The following NEGR1 variants were observed in gnomAD, a reference collection of about 807,000 sequenced individuals.
NEGR1 encodes the protein neuronal growth regulator 1.
A neutral mutation model predicts 40.9 loss-of-function variants in NEGR1; 10 were observed. The ratio of observed to expected loss-of-function variants is 0.24; its 90% confidence interval spans 0.15 to 0.42. NEGR1 has a LOEUF of 0.42. NEGR1 is among the 10% of genes least tolerant of loss of function. NEGR1 has a pLI of 1.00. For missense variants in NEGR1, 352 were observed against 438.9 expected, an observed-to-expected ratio of 0.80 and a Z score of 1.77; for synonymous variants, 185 against 166.8, an observed-to-expected ratio of 1.11 and a Z score of -0.84.
At chr1:71,975,898 G>C (rs980138897) in intron 1 of NEGR1, among the ~76,000 whole-genome samples, 2 of 152,210 alleles carry the variant, frequency 1.3e-5, no homozygotes, top group African/African-American at 4.8e-5. Flanking sequence ...GGAAGAGACT[G>C]TCATTGAATT....
chr1:71,634,126 G>A (rs1651063416), intron 4 of NEGR1, among the ~76,000 whole-genome samples: 2 of 152,012 alleles, frequency 1.3e-5, no homozygotes, highest in Admixed American at 1.3e-4. Flanking sequence ...TGCAGCTTTA[G>A]GTCTTAGGTT....
At chr1:72,214,976 T>A (rs1653747076) in intron 1 of NEGR1, among the ~76,000 whole-genome samples, 1 of 151,878 alleles carries the variant, frequency 6.6e-6, no homozygotes, top group South Asian at 2.1e-4. Flanking sequence ...ACTACAATGT[T>A]ACAGTAACCA....
chr1:72,189,530 CGTCCTTGATAAGGAACTCTT>C (rs1385721487), intron 1 of NEGR1, among the ~76,000 whole-genome samples: 1 of 151,490 alleles, frequency 6.6e-6, no homozygotes, highest in Non-Finnish European at 1.5e-5. Context: ...ATATGTCTTT[CGTCCTTGATAAGGAACTCTT>C]AAATGCTTGG....
chr1:71,869,694 A>C (rs1557683061), intron 2 of NEGR1, among the ~76,000 whole-genome samples: 1 of 152,160 alleles, frequency 6.6e-6, no homozygotes, highest in Admixed American at 6.5e-5. Flanking sequence ...TAACAATCAT[A>C]TGGAGTATAT....
intron 6 of NEGR1, among the ~76,000 whole-genome samples, chr1:71,445,476 G>A (rs1481912712): frequency 2.0e-5 from 3 of 151,858 alleles, no homozygotes; most frequent in Admixed American, 6.6e-5. Context: ...TAAGGCGTTA[G>A]AGAAATAGGC....
At chr1:71,459,161 A>G (rs1313583073) in intron 6 of NEGR1, among the ~76,000 whole-genome samples, 1 of 152,214 alleles carries the variant, frequency 6.6e-6, no homozygotes, top group East Asian at 1.9e-4. Flanking sequence ...ATTTTGGAAA[A>G]TACTATTCCA....
chr1:72,238,141 C>T (rs1348956065), intron 1 of NEGR1, among the ~76,000 whole-genome samples: 1 of 151,790 alleles, frequency 6.6e-6, no homozygotes, highest in East Asian at 1.9e-4. Context: ...CTTTACTATA[C>T]AACCCATCCA....
At chr1:71,648,334 A>G (rs1052658918) in intron 4 of NEGR1, among the ~76,000 whole-genome samples, 2 of 152,080 alleles carry the variant, frequency 1.3e-5, no homozygotes, top group Non-Finnish European at 2.9e-5. Flanking sequence ...GGAAACAAAC[A>G]ACTTGAGTGT....
chr1:72,112,594 T>C, intron 1 of NEGR1, among the ~76,000 whole-genome samples: 1 of 151,658 alleles, frequency 6.6e-6, no homozygotes, highest in Non-Finnish European at 1.5e-5. Flanking sequence ...CTATGTTGAC[T>C]GATTCAATAA....
At chr1:72,265,742 T>C (rs920658234) in intron 1 of NEGR1, among the ~76,000 whole-genome samples, 11 of 150,986 alleles carry the variant, frequency 7.3e-5, no homozygotes, top group African/African-American at 2.7e-4. Flanking sequence ...CCTATTTTTA[T>C]AAATTTTAAA....
At chr1:71,794,103 C>T (rs1461285966) in intron 2 of NEGR1, 2 of 151,980 alleles carry the variant, frequency 1.3e-5, no homozygotes, top group Non-Finnish European at 2.9e-5. Context: ...CAAGTCATTG[C>T]TAATAGATAA....
At position 71,519,992 on chromosome 1, in the gene NEGR1, G is replaced by A. The variant is rs1035818471; in HGVS notation, c.940+72825C>T. 2.0e-5 allele frequency among the ~76,000 whole-genome samples: 3 copies of A among 151,870 alleles called. No individual in the cohort carries two copies. The South Asian group carries it at 6.2e-4, about 31-fold the overall frequency. On this transcript the variant is annotated intron_variant, in intron 6 of 6. Coordinates refer to ENST00000357731, the MANE Select transcript of NEGR1 (RefSeq NM_173808.3). ...AATATCTAGTAAAATGATTATTTGA[G>A]GATTATCTAATACACAAAAAAGACA...
chr1:71,987,949 T>TA (rs899387769), intron 1 of NEGR1, among the ~76,000 whole-genome samples: 8 of 152,066 alleles, frequency 5.3e-5, no homozygotes, highest in Admixed American at 1.3e-4. Flanking sequence ...GGGGACTGTT[T>TA]AAAAAAAATC....
At chr1:71,506,794 A>AAAAAAC (rs756510628) in intron 6 of NEGR1, among the ~76,000 whole-genome samples, 12 of 140,744 alleles carry the variant, frequency 8.5e-5, no homozygotes, top group East Asian at 1.9e-4. Context: ...AGTGATGGAT[A>AAAAAAC]AAAAACAAAA....
chr1:71,597,432 G>GTCTCTC lies in NEGR1; in HGVS notation c.789-4470_789-4465dup, dbSNP rs1158039041. On this transcript the variant is annotated intron_variant, in intron 5 of 6. Transcript: ENST00000357731. ...TTTATTTATATATATATATATATAT[G>GTCTCTC]TCTCTCTCTCTCTCTCTCTCTCTCT... 4.3e-4 allele frequency among the ~76,000 whole-genome samples: 26 copies of GTCTCTC among 60,748 alleles called. 1 individual carries two copies. The highest frequency in any genetic ancestry group is 1.6e-3 in the African/African-American group (24 of 15,236). The allele number at this position is 60,748 out of a possible 152,430, so 39.9% of individuals were successfully genotyped here. A position where few individuals can be genotyped will look rare whatever the true frequency, so the allele number is the denominator to read the frequency against.
chr1:71,455,927 G>T (rs974087307), intron 6 of NEGR1, among the ~76,000 whole-genome samples: 2 of 152,150 alleles, frequency 1.3e-5, no homozygotes, highest in African/African-American at 4.8e-5. Flanking sequence ...GCAATATCAT[G>T]TGTTGCTCCT....
chr1:71,836,689 T>C (rs1320755207), intron 2 of NEGR1, among the ~76,000 whole-genome samples: 2 of 152,026 alleles, frequency 1.3e-5, no homozygotes, highest in South Asian at 2.1e-4. Flanking sequence ...ATTACACTTA[T>C]ATTTTTGCCA....
chr1:72,061,092 C>T (rs2821270), intron 1 of NEGR1, among the ~76,000 whole-genome samples: 2,424 of 151,736 alleles, frequency 0.016, 66 homozygotes, highest in African/African-American at 0.056. Flanking sequence ...GACATAACTA[C>T]TTCCTCATCC....
intron 1 of NEGR1, among the ~76,000 whole-genome samples, chr1:72,155,468 C>G (rs2821299): frequency 0.94 from 142,222 of 151,978 alleles, 66,945 homozygotes; most frequent in East Asian, 1. Flanking sequence ...TCTCTTTATA[C>G]CTAGTAATTT....
Sources: gnomAD v4.1 joint callset for allele counts (sites outside exome capture counted in the v4.1 genomes callset) on GRCh38, gnomAD v4.1.1 for gene constraint, MANE v1.5 for transcripts, NCBI Gene and HGNC (gene_info 2026-07-23, HGNC 2026-07-21) for gene names.